KDM6B: variants seen among roughly 807,000 people sequenced by gnomAD.
The protein encoded by KDM6B is lysine-specific demethylase 6B.
KDM6B carries 22 observed loss-of-function variants against 150.4 expected under a neutral mutation model. The observed-to-expected ratio is 0.15, with a 90% CI of 0.10 to 0.21. The LOEUF is 0.21. Ranked by LOEUF, KDM6B falls within the 10% of genes least tolerant of loss-of-function variation. KDM6B has a pLI of 1.00. For missense variants in KDM6B, 1,984 were observed against 2,234.3 expected, an observed-to-expected ratio of 0.89 and a Z score of 2.26; for synonymous variants, 1,148 against 921.1, an observed-to-expected ratio of 1.25 and a Z score of -4.46.
chr17:7,847,308 C>CGTT lies in KDM6B; in HGVS notation c.1113_1114insGTT (p.Asp371_Ser372insVal). On this transcript the variant is annotated inframe_insertion, in exon 11 of 24. Coordinates refer to ENST00000448097, the MANE Select transcript of KDM6B (RefSeq NM_001348716.2). The stretch of plus-strand genomic sequence containing the variant: ...GCAGAGTTCAGAGGTCGCGGATGGA[C>CGTT]TCCAGCGTTTCACCAGCAGCAACCA... The CGTT allele has an allele frequency of 2.5e-6, 4 of 1,607,380 alleles. No homozygotes were observed. In the Admixed American group the frequency reaches 6.7e-5, roughly 27 times the overall value.
At chr17:7,838,640 C>G (rs959033125) in intron 1 of KDM6B, among the ~76,000 whole-genome samples, 1 of 136,778 alleles carries the variant, frequency 7.3e-6, no homozygotes, top group African/African-American at 2.8e-5. Context: ...CACTCCTCCT[C>G]TTGGTCTGTC....
rs564173790 is a variant in KDM6B, at chr17:7,836,366, ACT to A, written c.-388+2019_-388+2020del. Among the ~76,000 whole-genome samples the A allele has an allele frequency of 3.4e-3, 509 of 151,352 alleles. 8 individuals are homozygous for A. Among genetic ancestry groups the A allele is most frequent in the Admixed American group, 5.4e-3 (82 of 15,232 alleles). On this transcript the variant is annotated intron_variant, in intron 1 of 23. Transcript: ENST00000448097. ...CTTCTTCGCTTCTCCCGGTTATATA[ACT>A]CTTCCTCTCGCCGTGTCCTGGTTTC...
At chr17:7,850,856 C>G (rs1356335225) in intron 14 of KDM6B, among the ~76,000 whole-genome samples, 165 bp from the exon 15 acceptor site, 1 of 152,232 alleles carries the variant, frequency 6.6e-6, no homozygotes, top group Admixed American at 6.5e-5. Flanking sequence ...GCACTCCCAG[C>G]TTCCTGTGGG....
intron 18 of KDM6B, 55 bp from the exon 19 acceptor site, chr17:7,851,895 TC>T: frequency 6.2e-7 from 1 of 1,602,116 alleles, no homozygotes; most frequent in African/African-American, 1.3e-5. Flanking sequence ...GGCGGGGCTA[TC>T]GGGGATCGCA....
At chr17:7,834,685 A>G (rs948325280) in intron 1 of KDM6B, among the ~76,000 whole-genome samples, 25 of 151,326 alleles carry the variant, frequency 1.7e-4, no homozygotes, top group Middle Eastern at 3.4e-3. Flanking sequence ...ACTAAAGGGC[A>G]GAGTTTGCAG....
chr17:7,852,436 TGGGCCTAGGTGTCTGGGGGCTG>T, intron 20 of KDM6B, 37 bp from the exon 21 acceptor site: 2 of 1,289,752 alleles, frequency 1.6e-6, no homozygotes, highest in Non-Finnish European at 2.1e-6. Context: ...GGAAGGGGCT[TGGGCCTAGGTGTCTGGGGGCTG>T]TTTGAGAGTC....
intron 1 of KDM6B, among the ~76,000 whole-genome samples, chr17:7,836,116 C>T (rs984648221): frequency 1.3e-5 from 2 of 152,236 alleles, no homozygotes; most frequent in Non-Finnish European, 2.9e-5. Context: ...AGGCTTCTCC[C>T]GCCCGGGCCC....
At position 7,850,968 on chromosome 17, in the gene KDM6B, C is replaced by G. The variant is rs185102289; in HGVS notation, c.3674-53C>G. The stretch of plus-strand genomic sequence containing the variant: ...GAAGGGAAAGGGTCGATTGGGTCCT[C>G]GGTCCCTATCCTCTGCCTCTGCCCC... On this transcript the variant is annotated intron_variant, in intron 14 of 23. Transcript: ENST00000448097. The G allele has an allele frequency of 2.7e-6, 4 of 1,482,472 alleles. No homozygotes were observed. The South Asian group carries it at 3.6e-5, about 13-fold the overall frequency. 91.8% of individuals were successfully genotyped at this position (1,482,472 alleles called of 1,614,324 possible).
chr17:7,838,658 C>T (rs917218424), intron 1 of KDM6B, among the ~76,000 whole-genome samples: 4 of 140,432 alleles, frequency 2.8e-5, no homozygotes, highest in African/African-American at 1.1e-4. Context: ...GTCCTAAAGT[C>T]TGCCCACTCT....
chr17:7,849,191 T>C lies in KDM6B; in HGVS notation c.2903T>C (p.Val968Ala), dbSNP rs542259827. ...GAGGAGGCTGGCGGGGTGGCGGCAG[T>C]GTCAGGCAGCTGTAAGCGGCGACAG... ...AKEEAGGVAA[V>A]SGSCKRRQKE... The change falls in exon 12 of 24, where the codon GTG (valine) becomes GCG (alanine). Residue 968 changes from valine to alanine, a missense_variant. Val to Ala is a moderately conservative substitution (Grantham distance 64, BLOSUM62 0). Coordinates refer to ENST00000448097, the MANE Select transcript of KDM6B (RefSeq NM_001348716.2). 8 of 1,606,230 alleles carry C rather than the reference T, an allele frequency of 5.0e-6. No homozygotes were observed. Among genetic ancestry groups the C allele is most frequent in the African/African-American group, 4.0e-5 (3 of 74,736 alleles).
At position 7,848,068 on chromosome 17, in the gene KDM6B, C is replaced by G; in HGVS notation, c.1780C>G (p.Pro594Ala). Residue 594 changes from proline (P) to alanine (A), a missense_variant, in exon 12 of 24, where the codon CCC becomes GCC. Transcript: ENST00000448097. ...LPRPPSPAQN[P>A]QDPPLVPLTL... ...CCGGCCTCCCAGCCCAGCACAGAAC[C>G]CCCAGGACCCACCTCTTGTACCCCT... is the stretch of plus-strand genomic sequence containing the variant. 1.9e-6 allele frequency: 3 copies of G among 1,612,752 alleles called. No individual in the cohort carries two copies. Among genetic ancestry groups the G allele is most frequent in the Non-Finnish European group, 1.7e-6 (2 of 1,179,534 alleles).
At position 7,846,613 on chromosome 17, in the gene KDM6B, C is replaced by A; in HGVS notation, c.584C>A (p.Pro195His). Residue 195 changes from proline to histidine, a missense_variant, in exon 9 of 24, where the codon CCC becomes CAC. Around this residue, in one of 13 missense-constraint regions of KDM6B, gnomAD observed 337 missense variants for 323.9 expected, o/e 1.04. Transcript: ENST00000448097. ...AACTATGGAGCCAAGCGGGGAGGTC[C>A]CCCGGTGAAGCGAGCTGCTGAACCC... ...KRNYGAKRGGPPVKRAAEPPV... is the reference protein window; with the variant it reads ...KRNYGAKRGGHPVKRAAEPPV... The A allele has an allele frequency of 6.2e-7, 1 of 1,614,100 alleles. No individual in the cohort carries two copies. Among genetic ancestry groups the A allele is most frequent in the Non-Finnish European group, 8.5e-7 (1 of 1,179,998 alleles).
In KDM6B at chr17:7,854,602, GGGGCTTTATTTT is replaced by G; in HGVS notation, c.*1082_*1093del. 1 of 154,658 alleles carries G rather than the reference GGGGCTTTATTTT, an allele frequency of 6.5e-6. No individual in the cohort carries two copies. Among genetic ancestry groups the G allele is most frequent in the Non-Finnish European group, 1.4e-5 (1 of 69,362 alleles). 9.6% of individuals were successfully genotyped at this position (154,658 alleles called of 1,614,324 possible). On this transcript the variant is annotated 3_prime_UTR_variant, in exon 24 of 24. Coordinates refer to ENST00000448097, the MANE Select transcript of KDM6B (RefSeq NM_001348716.2). ...GGGACACCCCGGGGTGAGTTTCTCT[GGGGCTTTATTTT>G]CGTTTTGTTGGTTGTTTTTTCTCCA... is the stretch of plus-strand genomic sequence containing the variant.
Position 7,849,512 on chromosome 17 carries a change from G to C in KDM6B, c.3224G>C (p.Arg1075Pro), listed in dbSNP as rs769034818. 2 of 1,612,728 alleles carry C rather than the reference G, an allele frequency of 1.2e-6. No individual in the cohort carries two copies. Among genetic ancestry groups the C allele is most frequent in the East Asian group, 2.2e-5 (1 of 44,880 alleles). ...PSASVPGKKA[R>P]EEAPGPPGVS... ...GCCTCTGTCCCTGGAAAGAAGGCTC[G>C]GGAGGAAGCCCCAGGGCCACCGGGT... The change falls in exon 12 of 24, where the codon CGG becomes CCG. Residue 1075 changes from arginine (R) to proline (P), a missense_variant. Coordinates refer to ENST00000448097, the MANE Select transcript of KDM6B (RefSeq NM_001348716.2).
chr17:7,835,500 C>G (rs965612689), intron 1 of KDM6B, among the ~76,000 whole-genome samples: 1 of 151,978 alleles, frequency 6.6e-6, no homozygotes, highest in African/African-American at 2.4e-5. Context: ...ACCTCGGCTC[C>G]CCTTCCCTCC....
In KDM6B at chr17:7,849,055, A is replaced by T; in HGVS notation, c.2767A>T (p.Thr923Ser). The T allele has an allele frequency of 6.2e-7, 1 of 1,610,616 alleles. No individual in the cohort carries two copies. The highest frequency in any genetic ancestry group is 8.5e-7 in the Non-Finnish European group (1 of 1,179,278). The change falls in exon 12 of 24, where the codon ACC (threonine) becomes TCC (serine). Residue 923 changes from threonine to serine, a missense_variant. Coordinates refer to ENST00000448097, the MANE Select transcript of KDM6B (RefSeq NM_001348716.2). ...AGAAGAGATCAGCCGGGCTTGCGAGACCCTTGTGGAGCGGGTGGGCCGGAG... is the reference window on the plus strand; with the variant it reads ...AGAAGAGATCAGCCGGGCTTGCGAGTCCCTTGTGGAGCGGGTGGGCCGGAG... ...VLEEISRACE[T>S]LVERVGRSAT...
rs770483092 is a variant in KDM6B at position 7,847,029 on chromosome 17, C to G, written c.909+13C>G. The G allele has an allele frequency of 1.9e-6, 3 of 1,612,956 alleles. No homozygotes were observed. Among genetic ancestry groups the G allele is most frequent in the Admixed American group, 1.7e-5 (1 of 60,014 alleles). On this transcript the variant is annotated intron_variant, in intron 10 of 23. Transcript: ENST00000448097. ...CCCAGAGCGCCAGGTGAGCCCCTGC[C>G]TGTTGCCTTTCACCTCTCACCTACA...
rs1354541857 is a variant in KDM6B, at chr17:7,851,991, C to T, written c.4206C>T (p.Asn1402=). 3.7e-6 allele frequency: 6 copies of T among 1,614,000 alleles called. No individual in the cohort carries two copies. The highest frequency in any genetic ancestry group is 2.2e-5 in the South Asian group (2 of 91,094). ...ACAACTTCTGCTCCGTCAACATCAA[C>T]ATTGGCCCAGGCGACTGCGAGTGGT... ...ENNNFCSVNI[N]IGPGDCEWFA... The change falls in exon 19 of 24, where the codon AAC becomes AAT. Residue 1402 remains asparagine, a synonymous_variant. Coordinates refer to ENST00000448097, the MANE Select transcript of KDM6B (RefSeq NM_001348716.2).
Position 7,845,324 on chromosome 17 carries a change from G to T in KDM6B, c.-138G>T. The T allele has an allele frequency of 1.6e-6, 1 of 627,472 alleles. No individual in the cohort carries two copies. Among genetic ancestry groups the T allele is most frequent in the African/African-American group, 1.8e-5 (1 of 54,856 alleles). The allele number at this position is 627,472 out of a possible 1,614,324, so 38.9% of individuals were successfully genotyped here. On this transcript the variant is annotated 5_prime_UTR_variant, in exon 4 of 24. Coordinates refer to ENST00000448097, the MANE Select transcript of KDM6B (RefSeq NM_001348716.2). ...TTTCCTTCTCTCTAGAATTGGCTGTGAAAGGACTGAGGCAGCCATCTGGGG... is the reference window on the plus strand; with the variant it reads ...TTTCCTTCTCTCTAGAATTGGCTGTTAAAGGACTGAGGCAGCCATCTGGGG...
Sources: gnomAD v4.1 joint callset for allele counts (sites outside exome capture counted in the v4.1 genomes callset) on GRCh38, gnomAD v4.1.1 for gene constraint, gnomAD v4.1.1 regional missense constraint, MANE v1.5 for transcripts, NCBI Gene and HGNC (gene_info 2026-07-23, HGNC 2026-07-21) for gene names.